Variants in NAALADL2 observed in about 807,000 individuals in gnomAD.
NAALADL2 encodes the protein N-acetylated alpha-linked acidic dipeptidase like 2, also known as inactive N-acetylated-alpha-linked acidic dipeptidase-like protein 2.
Under a neutral mutation model 87.2 loss-of-function variants are expected in NAALADL2, and 76 were observed. The ratio of observed to expected loss-of-function variants is 0.87; its 90% CI spans 0.72 to 1.05. The LOEUF (loss-of-function observed/expected upper bound fraction) is 1.05. NAALADL2 is among the 50% of genes least tolerant of loss of function. The probability of loss-of-function intolerance (pLI) is 0.00; values close to 1 mark genes in which losing one functional copy is unlikely to be tolerated. For synonymous variants in NAALADL2, 354 were observed against 331.0 expected (o/e 1.07, Z -0.75); for missense variants, 1,089 against 945.8 (o/e 1.15, Z -1.99).
intron 5 of NAALADL2, among the ~76,000 whole-genome samples, chr3:175,445,924 T>C (rs1476945449): frequency 6.6e-6 from 1 of 152,108 alleles, no homozygotes; most frequent in African/African-American, 2.4e-5. Context: ...CCGCCTGCCA[T>C]CATCCTCACT....
chr3:175,595,217 G>A (rs1201321345), intron 10 of NAALADL2, among the ~76,000 whole-genome samples: 1 of 151,952 alleles, frequency 6.6e-6, no homozygotes, highest in South Asian at 2.1e-4. Context: ...CTGCATATGA[G>A]TATCCAGTTA....
chr3:174,794,980 G>GTTTT (rs1560232117), intron 3 of NAALADL2, among the ~76,000 whole-genome samples: 4 of 75,044 alleles, frequency 5.3e-5, no homozygotes, highest in Non-Finnish European at 8.5e-5. Flanking sequence ...TTCTAGTCCA[G>GTTTT]CTTTTTTTTT....
intron 1 of NAALADL2, among the ~76,000 whole-genome samples, chr3:174,940,257 A>G (rs905047128): frequency 6.6e-6 from 1 of 152,270 alleles, no homozygotes; most frequent in Non-Finnish European, 1.5e-5. Context: ...TTATGCATCC[A>G]TTGAGATAAT....
At chr3:174,642,713 TTAGAC>T (rs942513795) in intron 2 of NAALADL2, among the ~76,000 whole-genome samples, 1 of 141,972 alleles carries the variant, frequency 7.0e-6, no homozygotes, top group African/African-American at 2.6e-5. Flanking sequence ...TTGTGTGACT[TTAGAC>T]TAAAAGTAAT....
intron 13 of NAALADL2, among the ~76,000 whole-genome samples, chr3:175,772,611 A>G (rs1749652704): frequency 6.6e-6 from 1 of 152,150 alleles, no homozygotes; most frequent in African/African-American, 2.4e-5. Context: ...CGAGCGGACT[A>G]AAGTCCTTCC....
At chr3:175,373,811 C>T (rs7622396) in intron 5 of NAALADL2, among the ~76,000 whole-genome samples, 13 of 152,066 alleles carry the variant, frequency 8.5e-5, no homozygotes, top group African/African-American at 3.1e-4. Context: ...GCTCTACATC[C>T]TTGAAACACG....
intron 9 of NAALADL2, among the ~76,000 whole-genome samples, chr3:175,548,586 C>T (rs922151023): frequency 1.3e-5 from 2 of 151,940 alleles, no homozygotes; most frequent in Non-Finnish European, 2.9e-5. Context: ...TCACAGATAT[C>T]GTTGGAATAG....
intron 11 of NAALADL2, chr3:175,676,293 G>C: frequency 6.6e-6 from 1 of 152,078 alleles, no homozygotes; most frequent in East Asian, 1.9e-4. Flanking sequence ...ACAAGTTCCT[G>C]AGTTGGCACC....
intron 1 of NAALADL2, among the ~76,000 whole-genome samples, chr3:174,951,661 G>A (rs913310067): frequency 2.0e-5 from 3 of 152,124 alleles, no homozygotes; most frequent in Admixed American, 6.6e-5. Flanking sequence ...TTTACTTGTC[G>A]ATAGACGCCT....
intron 12 of NAALADL2, among the ~76,000 whole-genome samples, chr3:175,737,714 G>GTTTTTTGTT (rs1744680990): frequency 1.8e-5 from 1 of 54,738 alleles, no homozygotes; most frequent in Non-Finnish European, 3.2e-5. Flanking sequence ...CAATGATCCA[G>GTTTTTTGTT]TTTTTTTTTT....
chr3:175,087,637 C>G lies in NAALADL2; in HGVS notation c.44-9153C>G, dbSNP rs576206733. On this transcript the variant is annotated intron_variant, in intron 1 of 13. Transcript: ENST00000454872. ...AACCCCGTGCTCTCTGAAACATGTG[C>G]TGTGTCCACTCAGGGTTAAATGGAT... 5.1e-4 allele frequency among the ~76,000 whole-genome samples: 77 copies of G among 152,256 alleles called. 3 individuals are homozygous for G. In the South Asian group the frequency reaches 0.016, roughly 31 times the overall value.
At chr3:175,011,288 GA>G (rs1749781286) in intron 1 of NAALADL2, among the ~76,000 whole-genome samples, 1 of 141,698 alleles carries the variant, frequency 7.1e-6, no homozygotes, top group Non-Finnish European at 1.5e-5. Context: ...GACAGAGAGA[GA>G]GAGAGAGAGA....
intron 1 of NAALADL2, among the ~76,000 whole-genome samples, chr3:175,019,721 C>CCAGA (rs1751325939): frequency 6.6e-6 from 1 of 152,066 alleles, no homozygotes; most frequent in African/African-American, 2.4e-5. Flanking sequence ...CTACATCCTA[C>CCAGA]TTAAGAATGA....
In NAALADL2 at chr3:175,335,691, A is replaced by G. The variant is rs1371729802; in HGVS notation, c.1090+11366A>G. On this transcript the variant is annotated intron_variant, in intron 5 of 13. Coordinates refer to ENST00000454872, the MANE Select transcript of NAALADL2 (RefSeq NM_207015.3). Reference sequence around the variant, plus strand: ...AACTGCTAGCATTGTAAATTTCAGTACCATACAATTTCATTTGAGAGATGT... The same window carrying G: ...AACTGCTAGCATTGTAAATTTCAGTGCCATACAATTTCATTTGAGAGATGT... Among the ~76,000 whole-genome samples the G allele has an allele frequency of 2.6e-5, 4 of 152,330 alleles. No homozygotes were observed. In the South Asian group the frequency reaches 8.3e-4, roughly 32 times the overall value.
intron 2 of NAALADL2, among the ~76,000 whole-genome samples, chr3:175,158,847 TAATG>T (rs1319309697): frequency 1.2e-4 from 18 of 152,094 alleles, no homozygotes; most frequent in Non-Finnish European, 8.8e-5. Context: ...CCTAATTTGA[TAATG>T]AATATATTGG....
intron 5 of NAALADL2, among the ~76,000 whole-genome samples, chr3:175,419,328 CCT>C (rs1159536283): frequency 6.6e-6 from 1 of 151,294 alleles, no homozygotes; most frequent in Non-Finnish European, 1.5e-5. Context: ...ACTTGTATGT[CCT>C]CTGTTTTATA....
At chr3:174,893,838 A>G (rs1264844481) in intron 1 of NAALADL2, among the ~76,000 whole-genome samples, 4 of 152,180 alleles carry the variant, frequency 2.6e-5, no homozygotes. Flanking sequence ...AAAACAAATC[A>G]CAAAATGGCA....
At chr3:174,834,304 T>C (rs1259904737) in intron 3 of NAALADL2, among the ~76,000 whole-genome samples, 1 of 147,506 alleles carries the variant, frequency 6.8e-6, no homozygotes, top group African/African-American at 2.6e-5. Context: ...AAGATTGTTT[T>C]CTCACTCTGA....
At chr3:175,499,094 G>T (rs1222501330) in intron 9 of NAALADL2, among the ~76,000 whole-genome samples, 1 of 151,862 alleles carries the variant, frequency 6.6e-6, no homozygotes, top group African/African-American at 2.4e-5. Flanking sequence ...TTCACTGTAG[G>T]GTTAATGCAG....
Sources: gnomAD v4.1 joint callset for allele counts (sites outside exome capture counted in the v4.1 genomes callset) on GRCh38, gnomAD v4.1.1 for gene constraint, MANE v1.5 for transcripts, NCBI Gene and HGNC (gene_info 2026-07-23, HGNC 2026-07-21) for gene names.